The following ARHGEF26 variants were observed in gnomAD, a reference collection of about 807,000 sequenced individuals.
The protein encoded by ARHGEF26 is Rho guanine nucleotide exchange factor (GEF) 26.
Under a neutral mutation model 89.4 loss-of-function variants are expected in ARHGEF26, and 59 were observed. That is an observed-to-expected ratio of 0.66 (90% CI 0.54 to 0.82). The LOEUF (loss-of-function observed/expected upper bound fraction) is 0.82. Ranked by LOEUF, ARHGEF26 falls within the 40% of genes least tolerant of loss-of-function variation. The pLI, the probability that ARHGEF26 is intolerant of heterozygous loss-of-function variation, is 0.00. For synonymous variants in ARHGEF26, 500 were observed against 428.4 expected (o/e 1.17, Z -2.06); for missense variants, 1,234 against 1,085.6 (o/e 1.14, Z -1.92).
At chr3:154,175,358 C>T (rs886242564) in intron 6 of ARHGEF26, among the ~76,000 whole-genome samples, 3 of 152,004 alleles carry the variant, frequency 2.0e-5, no homozygotes, top group African/African-American at 4.8e-5. Context: ...TTTACCTTTT[C>T]ATATGTTCAT....
chr3:154,213,211 G>GAC (rs72198375), intron 9 of ARHGEF26, among the ~76,000 whole-genome samples: 1 of 136,430 alleles, frequency 7.3e-6, no homozygotes, highest in African/African-American at 2.8e-5. Flanking sequence ...TAGAGAGAGA[G>GAC]AGAGAGTGTG....
intron 5 of ARHGEF26, among the ~76,000 whole-genome samples, chr3:154,150,120 A>G (rs1468356927): frequency 1.6e-5 from 2 of 127,592 alleles, no homozygotes; most frequent in Non-Finnish European, 3.3e-5. Context: ...TGATTCCACA[A>G]AGGACCCAAG....
chr3:154,232,065 C>T (rs1379597822), intron 11 of ARHGEF26, among the ~76,000 whole-genome samples: 3 of 152,076 alleles, frequency 2.0e-5, no homozygotes, highest in Non-Finnish European at 4.4e-5. Context: ...AACCTTGTTA[C>T]CCACTTAAGA....
At chr3:154,209,285 T>C (rs1715222974) in intron 9 of ARHGEF26, among the ~76,000 whole-genome samples, 1 of 152,164 alleles carries the variant, frequency 6.6e-6, no homozygotes, top group Non-Finnish European at 1.5e-5. Context: ...GTTCATTTGG[T>C]GAAGTCATGT....
chr3:154,187,791 T>C lies in ARHGEF26; in HGVS notation c.1594T>C (p.Tyr532His). ...TASTFDPYVK[Y>H]CTNEVYQQRT... ...ATCCACATTTGACCCATATGTGAAA[T>C]ACTGCACAAATGAAGTCTACCAACA... The change falls in exon 7 of 15, where the codon TAC (tyrosine) becomes CAC (histidine). Residue 532 changes from tyrosine (Y) to histidine (H), a missense_variant. By Grantham distance (83) the Tyr-to-His change is moderately conservative. Transcript: ENST00000465093. 6.2e-7 allele frequency: 1 copy of C among 1,611,354 alleles called. No homozygotes were observed. The highest frequency in any genetic ancestry group is 8.5e-7 in the Non-Finnish European group (1 of 1,178,428).
At chr3:154,233,595 A>G (rs1716938776) in intron 11 of ARHGEF26, among the ~76,000 whole-genome samples, 1 of 152,234 alleles carries the variant, frequency 6.6e-6, no homozygotes, top group African/African-American at 2.4e-5. Flanking sequence ...GAGGGATTTA[A>G]TGCACGACAG....
intron 11 of ARHGEF26, among the ~76,000 whole-genome samples, chr3:154,238,917 T>A (rs913559753): frequency 1.3e-5 from 2 of 151,748 alleles, no homozygotes; most frequent in African/African-American, 2.4e-5. Flanking sequence ...ATGAGGGAAT[T>A]AAGGGGGGGA....
At chr3:154,229,200 A>G (rs1229380982) in intron 11 of ARHGEF26, among the ~76,000 whole-genome samples, 3 of 151,924 alleles carry the variant, frequency 2.0e-5, no homozygotes, top group Non-Finnish European at 2.9e-5. Context: ...GCTTATTTTA[A>G]TTATTAATTT....
chr3:154,154,561 A>G (rs938703819), intron 6 of ARHGEF26, among the ~76,000 whole-genome samples: 2 of 94,112 alleles, frequency 2.1e-5, no homozygotes, highest in African/African-American at 5.9e-5. Flanking sequence ...CCTCTATCCT[A>G]TTCTCTTCCC....
At chr3:154,203,114 A>C (rs1174940273) in intron 9 of ARHGEF26, among the ~76,000 whole-genome samples, 1 of 152,182 alleles carries the variant, frequency 6.6e-6, no homozygotes, top group Non-Finnish European at 1.5e-5. Context: ...TTGCCCATTC[A>C]GTATGATATT....
At chr3:154,252,523 TATTAA>T (rs1430788119) in intron 12 of ARHGEF26, among the ~76,000 whole-genome samples, 2 of 152,220 alleles carry the variant, frequency 1.3e-5, no homozygotes, top group African/African-American at 2.4e-5. Context: ...CTTAATATTA[TATTAA>T]AAGTATTGGT....
chr3:154,130,250 C>G (rs1223004039), intron 4 of ARHGEF26, among the ~76,000 whole-genome samples: 5 of 147,068 alleles, frequency 3.4e-5, no homozygotes, highest in African/African-American at 1.3e-4. Flanking sequence ...ATGTGATTCT[C>G]CTGCCTCAGC....
At chr3:154,182,067 T>A (rs1003040591) in intron 6 of ARHGEF26, among the ~76,000 whole-genome samples, 1 of 151,526 alleles carries the variant, frequency 6.6e-6, no homozygotes, top group Non-Finnish European at 1.5e-5. Flanking sequence ...ACACACACAA[T>A]ATATATATAC....
chr3:154,149,653 A>G (rs1255684990), intron 5 of ARHGEF26, among the ~76,000 whole-genome samples: 1 of 152,226 alleles, frequency 6.6e-6, no homozygotes, highest in Non-Finnish European at 1.5e-5. Context: ...AACATCACTC[A>G]ACATCGTTTG....
intron 9 of ARHGEF26, among the ~76,000 whole-genome samples, chr3:154,207,745 G>T (rs1343818382): frequency 6.6e-6 from 1 of 152,050 alleles, no homozygotes; most frequent in Non-Finnish European, 1.5e-5. Flanking sequence ...CCTATTACTG[G>T]GTATGCACCG....
rs1452361077 is a variant in ARHGEF26 at position 154,254,768 on chromosome 3, A to G, written c.2417A>G (p.Asp806Gly). 6.2e-7 allele frequency: 1 copy of G among 1,613,798 alleles called. No homozygotes were observed. The highest frequency in any genetic ancestry group is 1.7e-5 in the Admixed American group (1 of 59,996). Residue 806 changes from aspartate (D) to glycine (G), a missense_variant, in exon 14 of 15, where the codon GAT (aspartate) becomes GGT (glycine). Physicochemically the swap from Asp to Gly is moderately conservative, Grantham distance 94 (BLOSUM62 -1). Transcript: ENST00000465093. ...AGGTCATTTACTGCTAAGCAGCCAGATGAACTCTCCCTGCAGGTGGCTGAC... is the reference window on the plus strand; with the variant it reads ...AGGTCATTTACTGCTAAGCAGCCAGGTGAACTCTCCCTGCAGGTGGCTGAC... Reference protein sequence around the residue: ...IVRSFTAKQPDELSLQVADVV... With the variant: ...IVRSFTAKQPGELSLQVADVV...
Position 154,121,515 on chromosome 3 carries a change from A to G in ARHGEF26, c.-56A>G, listed in dbSNP as rs1717912353. 1 of 158,172 alleles carries G rather than the reference A, an allele frequency of 6.3e-6. No individual in the cohort carries two copies. Among genetic ancestry groups the G allele is most frequent in the African/African-American group, 2.4e-5 (1 of 41,550 alleles). The allele number at this position is 158,172 out of a possible 1,614,324, so 9.8% of individuals were successfully genotyped here. A position where few individuals can be genotyped will look rare whatever the true frequency, so the allele number is the denominator to read the frequency against. ...CTCGGCCCCGGACATTGCAAGCCCC[A>G]GAAGGTAAATTTGCGTGGGAGCCGC... On this transcript the variant is annotated 5_prime_UTR_variant, in exon 1 of 15. Coordinates refer to ENST00000465093, the MANE Select transcript of ARHGEF26 (RefSeq NM_015595.4).
intron 3 of ARHGEF26, among the ~76,000 whole-genome samples, chr3:154,126,658 C>T (rs183078683): frequency 2.0e-5 from 3 of 152,268 alleles, no homozygotes; most frequent in Non-Finnish European, 4.4e-5. Context: ...CCAGTTTTTA[C>T]CATTGCCTAC....
rs544579911 is a variant in ARHGEF26, at chr3:154,181,464, T to G, written c.1488-6221T>G. 1.3e-4 allele frequency among the ~76,000 whole-genome samples: 20 copies of G among 152,240 alleles called. No individual in the cohort carries two copies. The East Asian group carries it at 3.9e-3, about 29-fold the overall frequency. Reference sequence around the variant, plus strand: ...CAGTTTGCTTTAGGCAGATGGATATTAATGAAGAAAAAGTACCTTGAAAGG... The same window carrying G: ...CAGTTTGCTTTAGGCAGATGGATATGAATGAAGAAAAAGTACCTTGAAAGG... On this transcript the variant is annotated intron_variant, in intron 6 of 14. Transcript: ENST00000465093.
Sources: gnomAD v4.1 joint callset for allele counts (sites outside exome capture counted in the v4.1 genomes callset) on GRCh38, gnomAD v4.1.1 for gene constraint, MANE v1.5 for transcripts, NCBI Gene and HGNC (gene_info 2026-07-23, HGNC 2026-07-21) for gene names.